Variants in KSR1 observed in about 807,000 individuals in gnomAD.
The protein encoded by KSR1 is kinase suppressor of ras.
A neutral mutation model predicts 92.9 loss-of-function variants in KSR1; 35 were observed. That is an observed-to-expected ratio of 0.38 (90% CI 0.29 to 0.50). KSR1 has a LOEUF of 0.50. Ranked by LOEUF, KSR1 falls within the 20% of genes least tolerant of loss-of-function variation. The pLI, the probability that KSR1 is intolerant of heterozygous loss-of-function variation, is 0.94. For missense variants in KSR1, 972 were observed against 1,158.5 expected (o/e 0.84, Z 2.34); for synonymous variants, 467 against 472.6 (o/e 0.99, Z 0.15).
At chr17:27,564,523 G>A (rs1567832848) in intron 2 of KSR1, among the ~76,000 whole-genome samples, 2 of 152,212 alleles carry the variant, frequency 1.3e-5, no homozygotes, top group African/African-American at 2.4e-5. Flanking sequence ...GATGCCATTA[G>A]GATGTGCCTG....
At chr17:27,610,979 TAG>T (rs1457107303) in intron 17 of KSR1, among the ~76,000 whole-genome samples, 2 of 152,150 alleles carry the variant, frequency 1.3e-5, no homozygotes, top group Non-Finnish European at 2.9e-5. Flanking sequence ...CAAGGGGACG[TAG>T]AGAGGCCAAG....
intron 1 of KSR1, among the ~76,000 whole-genome samples, chr17:27,535,017 G>C (rs1288250016): frequency 6.6e-6 from 1 of 152,196 alleles, no homozygotes; most frequent in Non-Finnish European, 1.5e-5. Flanking sequence ...GGATGTCCTT[G>C]TCAGGGCTTT....
intron 2 of KSR1, among the ~76,000 whole-genome samples, chr17:27,573,454 T>C (rs2072386371): frequency 6.6e-6 from 1 of 152,230 alleles, no homozygotes; most frequent in Non-Finnish European, 1.5e-5. Flanking sequence ...TAAAGGTTTT[T>C]CTGTATATCA....
intron 1 of KSR1, among the ~76,000 whole-genome samples, chr17:27,510,290 G>A (rs2069551233): frequency 6.6e-6 from 1 of 152,206 alleles, no homozygotes; most frequent in African/African-American, 2.4e-5. Context: ...TCCTGACCGT[G>A]GTTATCCCAG....
intron 13 of KSR1, 57 bp from the exon 14 acceptor site, chr17:27,605,377 A>G (rs1412697642): frequency 6.5e-7 from 1 of 1,547,442 alleles, no homozygotes; most frequent in Admixed American, 2.2e-5. Flanking sequence ...GAGAAGGAAG[A>G]GACGTCGCAG....
At chr17:27,473,718 G>C (rs75103394) in intron 1 of KSR1, among the ~76,000 whole-genome samples, 5,790 of 152,258 alleles carry the variant, frequency 0.038, 161 homozygotes, top group Middle Eastern at 0.075. Flanking sequence ...AAGGTGACGA[G>C]TCCCTGGGGA....
intron 10 of KSR1, among the ~76,000 whole-genome samples, chr17:27,598,852 A>G (rs1361877833): frequency 6.6e-6 from 1 of 151,392 alleles, no homozygotes; most frequent in Non-Finnish European, 1.5e-5. Context: ...CAATGGGTCA[A>G]CCCTCCCCCC....
At chr17:27,566,949 G>C (rs2072098834) in intron 2 of KSR1, among the ~76,000 whole-genome samples, 1 of 152,162 alleles carries the variant, frequency 6.6e-6, no homozygotes, top group African/African-American at 2.4e-5. Context: ...ACCAGGCCAG[G>C]GAGGCCGATG....
intron 1 of KSR1, among the ~76,000 whole-genome samples, chr17:27,457,179 G>T (rs1170337244): frequency 1.3e-5 from 2 of 152,028 alleles, no homozygotes; most frequent in Non-Finnish European, 2.9e-5. Flanking sequence ...TCCAGTTTGC[G>T]GGGCCGCAGG....
chr17:27,582,552 C>T, intron 3 of KSR1, 94 bp from the exon 4 acceptor site: 4 of 1,133,724 alleles, frequency 3.5e-6, no homozygotes, highest in Non-Finnish European at 5.1e-6. Flanking sequence ...AGTGCAGCCT[C>T]ACACCAGGTG....
rs1161983394 is a variant in KSR1 at position 27,601,314 on chromosome 17, C to T, written c.1469-46C>T. 7 of 1,552,218 alleles carry T rather than the reference C, an allele frequency of 4.5e-6. 1 individual carries two copies. Among genetic ancestry groups the T allele is most frequent in the Admixed American group, 1.7e-5 (1 of 59,158 alleles). On this transcript the variant is annotated intron_variant, in intron 10 of 20. Transcript: ENST00000644974. The stretch of plus-strand genomic sequence containing the variant: ...CCTGCAATTCCGCTCCTCCCTCCTG[C>T]GTTGGCCGTTCTGTGTGTGTGACTC...
At chr17:27,469,094 C>G (rs1218420472) in intron 1 of KSR1, among the ~76,000 whole-genome samples, 1 of 152,156 alleles carries the variant, frequency 6.6e-6, no homozygotes. Context: ...AGGTGCTATT[C>G]TCTGGGAGCC....
chr17:27,522,363 C>T (rs911124423), intron 1 of KSR1, among the ~76,000 whole-genome samples: 35 of 152,214 alleles, frequency 2.3e-4, no homozygotes, highest in Admixed American at 2.2e-3. Flanking sequence ...CCCCGCTCCC[C>T]GTGGCCCTCC....
rs2019526660 is a variant in KSR1, at chr17:27,463,109, T to C, written c.231+6235T>C. Among the ~76,000 whole-genome samples, 6 of 152,242 alleles carry C rather than the reference T, an allele frequency of 3.9e-5. No individual in the cohort carries two copies. The South Asian group carries it at 1.2e-3, about 32-fold the overall frequency. On this transcript the variant is annotated intron_variant, in intron 1 of 20. Transcript: ENST00000644974. The stretch of plus-strand genomic sequence containing the variant: ...ATTTAATATCTGTCCTCGTCTTTAA[T>C]ATCTTTATGGCATCATAACTCCCCC...
intron 2 of KSR1, among the ~76,000 whole-genome samples, chr17:27,569,903 C>T (rs965405828): frequency 1.3e-5 from 2 of 152,220 alleles, no homozygotes; most frequent in Non-Finnish European, 2.9e-5. Flanking sequence ...ATAGGGAGAG[C>T]AAGGAGGCAG....
At chr17:27,480,844 A>G (rs1283537259) in intron 1 of KSR1, among the ~76,000 whole-genome samples, 1 of 152,210 alleles carries the variant, frequency 6.6e-6, no homozygotes, top group Non-Finnish European at 1.5e-5. Context: ...TAGTTTTCCG[A>G]TGTTGGAAAT....
At chr17:27,487,515 G>A (rs546159055) in intron 1 of KSR1, among the ~76,000 whole-genome samples, 4 of 151,608 alleles carry the variant, frequency 2.6e-5, no homozygotes, top group South Asian at 4.2e-4. Flanking sequence ...TTGGGAGGCC[G>A]AGGTCGGTGG....
chr17:27,535,290 C>T (rs1211509138), intron 1 of KSR1, among the ~76,000 whole-genome samples: 1 of 152,174 alleles, frequency 6.6e-6, no homozygotes, highest in Non-Finnish European at 1.5e-5. Context: ...GCTCCGTAAA[C>T]TCTGTAGTGC....
chr17:27,519,953 C>G (rs2069955584), intron 1 of KSR1, among the ~76,000 whole-genome samples: 1 of 152,164 alleles, frequency 6.6e-6, no homozygotes, highest in African/African-American at 2.4e-5. Context: ...CTGAACCTGG[C>G]AGGGCTGCTG....
Sources: allele counts gnomAD v4.1 joint callset (sites outside exome capture counted in the v4.1 genomes callset), GRCh38; gene constraint gnomAD v4.1.1; transcripts MANE v1.5; gene names NCBI Gene and HGNC (gene_info 2026-07-23, HGNC 2026-07-21).